KIF21B: variants seen among roughly 807,000 people sequenced by gnomAD.
KIF21B encodes kinesin family member 21B.
KIF21B carries 85 observed loss-of-function variants against 192.9 expected under a neutral mutation model. The observed-to-expected ratio is 0.44, with a 90% CI of 0.37 to 0.53. The LOEUF is 0.53. KIF21B is among the 20% of genes least tolerant of loss of function. The probability of loss-of-function intolerance (pLI) is 0.00; values close to 1 mark genes in which losing one functional copy is unlikely to be tolerated. For missense variants in KIF21B, 1,716 were observed against 2,194.8 expected, an observed-to-expected ratio of 0.78 and a Z score of 4.36; for synonymous variants, 832 against 884.6, an observed-to-expected ratio of 0.94 and a Z score of 1.05.
intron 30 of KIF21B, among the ~76,000 whole-genome samples, chr1:200,977,829 G>C (rs951448073): frequency 6.6e-6 from 1 of 151,528 alleles, no homozygotes; most frequent in East Asian, 1.9e-4. Context: ...CTGCCTCCCG[G>C]GTTCAAGCGA....
At position 200,977,234 on chromosome 1, in the gene KIF21B, C is replaced by T. The variant is rs759837389; in HGVS notation, c.4303G>A (p.Val1435Ile). Reference protein sequence around the residue: ...TMLYAASGNAVRIWELSRFQP... With the variant: ...TMLYAASGNAIRIWELSRFQP... ...GACCTGCTAAGCTCCCAGATGCGGACGGCATTGCCCGAGGCGGCGTACAGC... is the reference window on the plus strand; with the variant it reads ...GACCTGCTAAGCTCCCAGATGCGGATGGCATTGCCCGAGGCGGCGTACAGC... The change falls in exon 31 of 35, where the codon GTC becomes ATC. Residue 1435 changes from valine (V) to isoleucine (I), a missense_variant. Val to Ile is a conservative substitution (Grantham distance 29, BLOSUM62 3). Transcript: ENST00000461742. 12 of 1,613,070 alleles carry T rather than the reference C, an allele frequency of 7.4e-6. No homozygotes were observed. The highest frequency in any genetic ancestry group is 4.5e-5 in the East Asian group (2 of 44,828).
At chr1:201,003,415 G>A (rs1657612840) in intron 8 of KIF21B, 171 bp downstream of exon 8, 2 of 674,736 alleles carry the variant, frequency 3.0e-6, no homozygotes, top group South Asian at 3.5e-5. Flanking sequence ...CTAATAGTAA[G>A]CAGCATGCCT....
At chr1:201,012,663 G>A (rs1204099185) in intron 1 of KIF21B, among the ~76,000 whole-genome samples, 2 of 152,130 alleles carry the variant, frequency 1.3e-5, no homozygotes, top group Non-Finnish European at 2.9e-5. Flanking sequence ...ATGTTTTTGA[G>A]ACAAAGTCTC....
intron 3 of KIF21B, among the ~76,000 whole-genome samples, chr1:201,007,597 GAC>G (rs1408503906): frequency 1.6e-5 from 2 of 127,520 alleles, no homozygotes; most frequent in Non-Finnish European, 3.3e-5. Flanking sequence ...TAGACACAGA[GAC>G]ACACACAGAG....
chr1:200,979,821 A>AGGGCTCCAGAGGACG, intron 29 of KIF21B, 106 bp from the exon 30 acceptor site: 1 of 866,520 alleles, frequency 1.2e-6, no homozygotes, highest in South Asian at 2.4e-5. Flanking sequence ...AGGGATCCAC[A>AGGGCTCCAGAGGACG]GGGCTCCAGA....
Position 200,979,726 on chromosome 1 carries a change from T to C in KIF21B, c.3980-11A>G, listed in dbSNP as rs765787596. The C allele has an allele frequency of 1.3e-5, 19 of 1,497,348 alleles. No individual in the cohort carries two copies. The highest frequency in any genetic ancestry group is 1.6e-5 in the Non-Finnish European group (18 of 1,116,908). 92.8% of individuals were successfully genotyped at this position (1,497,348 alleles called of 1,614,324 possible). A position where few individuals can be genotyped will look rare whatever the true frequency, so the allele number is the denominator to read the frequency against. On this transcript the variant is annotated splice_polypyrimidine_tract_variant and intron_variant, in intron 29 of 34. Coordinates refer to ENST00000461742, the MANE Select transcript of KIF21B (RefSeq NM_001252102.2). ...TCTTGCAGCTTCGGTCTGTGAGAGA[T>C]GGGAGGAAGCCACAGGGAGGGGAGG... is the stretch of plus-strand genomic sequence containing the variant.
chr1:200,976,941 C>G (rs781188485), intron 31 of KIF21B, 48 bp from the exon 32 acceptor site: 1 of 1,448,096 alleles, frequency 6.9e-7, no homozygotes, highest in Admixed American at 1.8e-5. Context: ...TAGAGGGGAC[C>G]CTGGGTTGGG....
At chr1:201,007,797 T>C (rs1475176667) in intron 3 of KIF21B, among the ~76,000 whole-genome samples, 2 of 144,874 alleles carry the variant, frequency 1.4e-5, no homozygotes, top group Non-Finnish European at 1.5e-5. Flanking sequence ...CACAGACACA[T>C]AGACACACAC....
rs914729743 is a variant in KIF21B, at chr1:200,971,339, G to A, written c.*2182C>T. ...ACCCATCAGAAACAGCAGAAAATGG[G>A]CATGATGATGAGCACCTCTCGCAGG... On this transcript the variant is annotated 3_prime_UTR_variant, in exon 35 of 35. Transcript: ENST00000461742. 1 of 152,776 alleles carries A rather than the reference G, an allele frequency of 6.5e-6. No individual in the cohort carries two copies. Among genetic ancestry groups the A allele is most frequent in the Non-Finnish European group, 1.5e-5 (1 of 68,068 alleles). 9.5% of individuals were successfully genotyped at this position (152,776 alleles called of 1,614,324 possible). A position where few individuals can be genotyped will look rare whatever the true frequency, so the allele number is the denominator to read the frequency against.
chr1:200,971,129 G>C lies in KIF21B; in HGVS notation c.*2392C>G, dbSNP rs901603435. ...GGGTGCTTGTGCAGTGAGTGGAGCT[G>C]GGGGCCTGCCCCCTAACATGGACCT... On this transcript the variant is annotated 3_prime_UTR_variant, in exon 35 of 35. Coordinates refer to ENST00000461742, the MANE Select transcript of KIF21B (RefSeq NM_001252102.2). The C allele has an allele frequency of 1.3e-5, 2 of 152,820 alleles. No homozygotes were observed. The highest frequency in any genetic ancestry group is 2.9e-5 in the Non-Finnish European group (2 of 68,064). The allele number at this position is 152,820 out of a possible 1,614,324, so 9.5% of individuals were successfully genotyped here. A position where few individuals can be genotyped will look rare whatever the true frequency, so the allele number is the denominator to read the frequency against.
In KIF21B at chr1:200,996,235, C is replaced by T. The variant is rs1657057087; in HGVS notation, c.2238G>A (p.Lys746=). The change falls in exon 15 of 35, where the codon AAG becomes AAA. Residue 746 remains lysine (K), a synonymous_variant. Transcript: ENST00000461742. ...KNQSRYEREL[K]KLQAEVAEMK... Reference sequence around the variant, plus strand: ...TCTCAGCCACCTCGGCCTGTAGCTTCTTCAGCTCCCTCTCGTAGCGCGACT... The same window carrying T: ...TCTCAGCCACCTCGGCCTGTAGCTTTTTCAGCTCCCTCTCGTAGCGCGACT... 4 of 1,613,866 alleles carry T rather than the reference C, an allele frequency of 2.5e-6. No homozygotes were observed. Among genetic ancestry groups the T allele is most frequent in the Non-Finnish European group, 1.7e-6 (2 of 1,180,044 alleles).
Position 200,990,930 on chromosome 1 carries a change from T to C in KIF21B, c.2674A>G (p.Thr892Ala). The change falls in exon 18 of 35, where the codon ACC becomes GCC. Residue 892 changes from threonine to alanine, a missense_variant. Transcript: ENST00000461742. This position sits in a 1 kb window ranked among gnomAD's most constrained non-coding sequence, Gnocchi z 5.4. ...GDHPAPTVNGTRPARKKFQKK... is the reference protein window; with the variant it reads ...GDHPAPTVNGARPARKKFQKK... ...AGTCCACCTTACCGGGCAGGACGGG[T>C]GCCATTGACAGTGGGCGCAGGATGG... The C allele has an allele frequency of 6.2e-7, 1 of 1,614,018 alleles. No homozygotes were observed. The highest frequency in any genetic ancestry group is 8.5e-7 in the Non-Finnish European group (1 of 1,180,024).
intron 2 of KIF21B, 64 bp downstream of exon 2, chr1:201,009,202 C>A: frequency 6.9e-7 from 1 of 1,458,022 alleles, no homozygotes; most frequent in South Asian, 1.2e-5. Flanking sequence ...GTGGAGCTTT[C>A]TCTCCATTGG....
In KIF21B at chr1:200,987,096, C is replaced by T. The variant is rs762552831; in HGVS notation, c.3514G>A (p.Val1172Ile). ...CCCACTCCGTCCTCTTTGATCTCAA[C>T]GAGGGAGGCCAGGGACTTGGTGATG... Reference protein sequence around the residue: ...KNITKSLASLVEIKEDGVGFS... With the variant: ...KNITKSLASLIEIKEDGVGFS... Residue 1172 changes from valine to isoleucine, a missense_variant, in exon 25 of 35, where the codon GTT (valine) becomes ATT (isoleucine). Coordinates refer to ENST00000461742, the MANE Select transcript of KIF21B (RefSeq NM_001252102.2). 3.6e-5 allele frequency: 58 copies of T among 1,613,790 alleles called. No individual in the cohort carries two copies. The highest frequency in any genetic ancestry group is 1.6e-4 in the Middle Eastern group (1 of 6,084).
chr1:200,979,353 C>T (rs1264962240), intron 30 of KIF21B, among the ~76,000 whole-genome samples, 182 bp downstream of exon 30: 3 of 152,212 alleles, frequency 2.0e-5, no homozygotes, highest in African/African-American at 7.2e-5. Context: ...CAGACACTGT[C>T]TCCCAAACCA....
Position 201,004,466 on chromosome 1 carries a change from C to T in KIF21B, c.901-11G>A. The T allele has an allele frequency of 6.4e-7, 1 of 1,556,840 alleles. No homozygotes were observed. Among genetic ancestry groups the T allele is most frequent in the Non-Finnish European group, 8.7e-7 (1 of 1,147,336 alleles). On this transcript the variant is annotated splice_polypyrimidine_tract_variant and intron_variant, in intron 6 of 34. Transcript: ENST00000461742. ...ATTGCCCAAGGCCAGCTGTGGGAGA[C>T]AGACCCTGGCACTCAGCAGTCACTC...
intron 9 of KIF21B, chr1:201,001,897 G>T: frequency 2.0e-6 from 1 of 504,868 alleles, no homozygotes; most frequent in Non-Finnish European, 3.6e-6. Context: ...GAGAGGGCTT[G>T]GGGTGGAGGG....
intron 30 of KIF21B, 68 bp from the exon 31 acceptor site, chr1:200,977,444 A>C: frequency 1.3e-6 from 2 of 1,544,914 alleles, no homozygotes; most frequent in Non-Finnish European, 1.8e-6. Flanking sequence ...GAAACCAATA[A>C]AACGTCACTA....
intron 3 of KIF21B, among the ~76,000 whole-genome samples, chr1:201,006,905 GAGAC>G (rs1657861112): frequency 8.0e-6 from 1 of 125,630 alleles, no homozygotes; most frequent in African/African-American, 3.1e-5. Flanking sequence ...CACACACACA[GAGAC>G]AGACACACAC....
Sources: gnomAD v4.1 joint callset for allele counts (sites outside exome capture counted in the v4.1 genomes callset) on GRCh38, gnomAD v4.1.1 for gene constraint, Gnocchi (gnomAD v3.1) non-coding constraint, MANE v1.5 for transcripts, NCBI Gene and HGNC (gene_info 2026-07-23, HGNC 2026-07-21) for gene names.